Variants in TENM4 observed in about 807,000 individuals in gnomAD.
The protein encoded by TENM4 is teneurin transmembrane protein 4.
TENM4 carries 82 observed loss-of-function variants against 243.3 expected under a neutral mutation model. The observed-to-expected ratio is 0.34, with a 90% CI of 0.28 to 0.40. TENM4 has a LOEUF of 0.40. Among genes scored for constraint, TENM4 ranks in the 10% least tolerant of loss-of-function variants. The probability of loss-of-function intolerance (pLI) is 1.00; values close to 1 mark genes in which losing one functional copy is unlikely to be tolerated. For synonymous variants in TENM4, 1,412 were observed against 1,456.3 expected (o/e 0.97, Z 0.69); for missense variants, 3,138 against 3,673.3 (o/e 0.85, Z 3.77).
chr11:78,777,222 ACTC>A (rs1856755884), intron 17 of TENM4, among the ~76,000 whole-genome samples: 1 of 151,848 alleles, frequency 6.6e-6, no homozygotes. Context: ...AGGAAGTACT[ACTC>A]TTTCTTGCTG....
At chr11:78,961,120 T>C (rs1257539824) in intron 6 of TENM4, among the ~76,000 whole-genome samples, 1 of 152,232 alleles carries the variant, frequency 6.6e-6, no homozygotes, top group Admixed American at 6.5e-5. Flanking sequence ...TTTGAACCTC[T>C]GCCTCCTTTT....
intron 1 of TENM4, among the ~76,000 whole-genome samples, chr11:79,427,928 T>A (rs1321849820): frequency 1.3e-5 from 2 of 152,178 alleles, no homozygotes; most frequent in African/African-American, 4.8e-5. Flanking sequence ...TACAATTGCC[T>A]CCACTGAGGC....
At chr11:78,908,433 A>G (rs1018241614) in intron 6 of TENM4, among the ~76,000 whole-genome samples, 1 of 152,252 alleles carries the variant, frequency 6.6e-6, no homozygotes, top group African/African-American at 2.4e-5. Flanking sequence ...GTCATGTTGA[A>G]TGAATAAATC....
chr11:79,381,455 C>T (rs914258274), intron 1 of TENM4, among the ~76,000 whole-genome samples: 7 of 151,854 alleles, frequency 4.6e-5, no homozygotes, highest in African/African-American at 1.5e-4. Context: ...GGCTAACACA[C>T]AGGACCTAGC....
intron 20 of TENM4, among the ~76,000 whole-genome samples, chr11:78,733,136 C>T (rs78244503): frequency 1.2e-3 from 180 of 152,314 alleles, no homozygotes; most frequent in Non-Finnish European, 2.2e-3. Context: ...ATAGATTACT[C>T]AACAAAGGCC....
At chr11:79,219,693 A>G (rs17137886) in intron 2 of TENM4, among the ~76,000 whole-genome samples, 4,722 of 152,274 alleles carry the variant, frequency 0.031, 263 homozygotes, top group African/African-American at 0.11. Context: ...AGCAAGCTGT[A>G]ACCCTGTGCA....
intron 30 of TENM4, among the ~76,000 whole-genome samples, chr11:78,675,234 C>T (rs559578375): frequency 2.6e-5 from 4 of 152,088 alleles, no homozygotes; most frequent in Admixed American, 2.0e-4. Context: ...CTCTGGATCT[C>T]GATTGTCTCA....
intron 12 of TENM4, among the ~76,000 whole-genome samples, chr11:78,853,507 G>A: frequency 6.6e-6 from 1 of 152,126 alleles, no homozygotes; most frequent in East Asian, 1.9e-4. Context: ...GAGTGAAGGT[G>A]TTAAGCACTC....
chr11:79,316,905 C>G (rs902422132), intron 1 of TENM4, among the ~76,000 whole-genome samples: 1 of 152,202 alleles, frequency 6.6e-6, no homozygotes, highest in Non-Finnish European at 1.5e-5. Flanking sequence ...TTGTTCGCTT[C>G]AAGGGGTGAC....
chr11:79,303,200 G>A (rs1311013484), intron 1 of TENM4, among the ~76,000 whole-genome samples: 2 of 152,190 alleles, frequency 1.3e-5, no homozygotes, highest in Non-Finnish European at 2.9e-5. Flanking sequence ...AAGATTCCAG[G>A]AAGAGGAACT....
intron 10 of TENM4, among the ~76,000 whole-genome samples, chr11:78,860,053 T>C (rs1168177814): frequency 6.6e-6 from 1 of 152,242 alleles, no homozygotes; most frequent in African/African-American, 2.4e-5. Context: ...CTCAAGGACA[T>C]GATGAACATT....
intron 18 of TENM4, among the ~76,000 whole-genome samples, chr11:78,759,021 C>T (rs1209695443): frequency 6.6e-6 from 1 of 152,174 alleles, no homozygotes; most frequent in East Asian, 1.9e-4. Context: ...TATCATAGTG[C>T]TTAATTCTGG....
intron 3 of TENM4, among the ~76,000 whole-genome samples, chr11:79,210,019 A>G (rs938731488): frequency 1.3e-5 from 2 of 152,204 alleles, no homozygotes; most frequent in Non-Finnish European, 2.9e-5. Context: ...AGTTCAGTAA[A>G]TGTTTATTTA....
intron 4 of TENM4, among the ~76,000 whole-genome samples, chr11:79,138,331 T>TATATATATA (rs1862156211): frequency 4.2e-4 from 32 of 76,132 alleles, no homozygotes; most frequent in African/African-American, 1.9e-3. Flanking sequence ...ATATATATAT[T>TATATATATA]ATATATATAA....
At chr11:78,804,290 C>T (rs1429819345) in intron 15 of TENM4, among the ~76,000 whole-genome samples, 2 of 152,178 alleles carry the variant, frequency 1.3e-5, no homozygotes, top group African/African-American at 4.8e-5. Flanking sequence ...TTGTTCCCCT[C>T]CCCTTTCCCA....
intron 32 of TENM4, among the ~76,000 whole-genome samples, chr11:78,666,601 T>C (rs1049764590): frequency 6.6e-6 from 1 of 152,188 alleles, no homozygotes; most frequent in African/African-American, 2.4e-5. Context: ...CCTTGATGGT[T>C]GGTTGCTTTG....
chr11:78,858,660 T>C (rs1461451208), intron 10 of TENM4, among the ~76,000 whole-genome samples: 2 of 152,202 alleles, frequency 1.3e-5, no homozygotes, highest in African/African-American at 4.8e-5. Flanking sequence ...AGCACAAAGC[T>C]GTGAGCACTA....
At chr11:79,266,367 C>T (rs758156130) in intron 2 of TENM4, among the ~76,000 whole-genome samples, 154 of 151,598 alleles carry the variant, frequency 1.0e-3, no homozygotes, top group Non-Finnish European at 1.8e-3. Context: ...GTCAAAAATG[C>T]CTGCTTTTAT....
chr11:78,797,714 G>A (rs140378280), intron 15 of TENM4, among the ~76,000 whole-genome samples: 151 of 152,242 alleles, frequency 9.9e-4, no homozygotes, highest in African/African-American at 3.4e-3. Flanking sequence ...CTTCCGTGCC[G>A]CCCTCTGACA....
Sources: gnomAD v4.1 joint callset for allele counts (sites outside exome capture counted in the v4.1 genomes callset) on GRCh38, gnomAD v4.1.1 for gene constraint, MANE v1.5 for transcripts, NCBI Gene and HGNC (gene_info 2026-07-23, HGNC 2026-07-21) for gene names.